The following TMEM182 variants were observed in gnomAD, a reference collection of about 807,000 sequenced individuals.
TMEM182 encodes transmembrane protein 182.
Under a neutral mutation model 26.8 loss-of-function variants are expected in TMEM182, and 20 were observed. The observed-to-expected ratio is 0.75, with a 90% CI of 0.53 to 1.09. TMEM182 has a LOEUF of 1.09. Among genes scored for constraint, TMEM182 ranks in the 50% least tolerant of loss-of-function variants. TMEM182 has a pLI of 0.00. For missense variants in TMEM182, 277 were observed against 275.5 expected (o/e 1.01, Z -0.04); for synonymous variants, 109 against 102.2 (o/e 1.07, Z -0.40).
chr2:102,768,806 T>C (rs1250253676), intron 3 of TMEM182, among the ~76,000 whole-genome samples: 8 of 152,056 alleles, frequency 5.3e-5, no homozygotes, highest in Non-Finnish European at 1.2e-4. Context: ...ATTTATCTAG[T>C]ACTATTTTCT....
intron 3 of TMEM182, among the ~76,000 whole-genome samples, chr2:102,782,925 C>A (rs899875659): frequency 2.6e-5 from 4 of 152,116 alleles, no homozygotes; most frequent in African/African-American, 9.7e-5. Context: ...TTTTTATCAG[C>A]TGCTTTTTCT....
At chr2:102,822,053 G>C (rs1315795702), downstream of TMEM182, among the ~76,000 whole-genome samples, 3 of 151,432 alleles carry the variant, frequency 2.0e-5, no homozygotes, top group East Asian at 5.8e-4. Flanking sequence ...CTATTACCCT[G>C]ATATGATAAT....
intron 1 of TMEM182, 36 bp from the exon 2 acceptor site, chr2:102,762,551 T>C: frequency 6.3e-7 from 1 of 1,586,950 alleles, no homozygotes; most frequent in Non-Finnish European, 8.6e-7. Flanking sequence ...ATATTTCTTG[T>C]ATTGATGGCA....
chr2:102,831,457 A>C (rs555069366), intron 3 of TMEM182, among the ~76,000 whole-genome samples: 2 of 152,206 alleles, frequency 1.3e-5, no homozygotes, highest in Non-Finnish European at 1.5e-5. Context: ...CAGTCATCTT[A>C]AAAGAAGAAG....
At chr2:102,775,743 C>A (rs1037002973) in intron 3 of TMEM182, among the ~76,000 whole-genome samples, 1 of 152,058 alleles carries the variant, frequency 6.6e-6, no homozygotes, top group Non-Finnish European at 1.5e-5. Flanking sequence ...TATACACCAA[C>A]AACAGACAAA....
intron 4 of TMEM182, among the ~76,000 whole-genome samples, chr2:102,805,492 G>A (rs184532334): frequency 3.3e-5 from 5 of 151,988 alleles, no homozygotes; most frequent in South Asian, 2.1e-4. Context: ...TCTGGTTCAC[G>A]GTCTAACACC....
intron 3 of TMEM182, among the ~76,000 whole-genome samples, chr2:102,769,530 A>AT (rs1680592172): frequency 6.6e-6 from 1 of 152,176 alleles, no homozygotes; most frequent in Non-Finnish European, 1.5e-5. Flanking sequence ...TTTAATCATC[A>AT]TAACTATACA....
intron 3 of TMEM182, chr2:102,775,399 A>G (rs1357355935): frequency 6.6e-6 from 1 of 152,218 alleles, no homozygotes; most frequent in East Asian, 1.9e-4. Flanking sequence ...CAAAATAATA[A>G]GAGCTATCTA....
intron 4 of TMEM182, among the ~76,000 whole-genome samples, chr2:102,808,591 T>C (rs1036184857): frequency 2.0e-5 from 3 of 152,196 alleles, no homozygotes; most frequent in Non-Finnish European, 4.4e-5. Flanking sequence ...GAAAATGTTA[T>C]CCATTATTTC....
At chr2:102,839,830 C>G (rs1683314319) in intron 3 of TMEM182, among the ~76,000 whole-genome samples, 1 of 152,108 alleles carries the variant, frequency 6.6e-6, no homozygotes, top group African/African-American at 2.4e-5. Context: ...AGTCAGAAGC[C>G]CAGCAATTCT....
chr2:102,769,316 G>T (rs1044143440), intron 3 of TMEM182, among the ~76,000 whole-genome samples: 1 of 152,164 alleles, frequency 6.6e-6, no homozygotes, highest in Non-Finnish European at 1.5e-5. Context: ...GAATATAATT[G>T]ATATGTGAGG....
chr2:102,806,198 A>T (rs569543623), intron 4 of TMEM182, among the ~76,000 whole-genome samples: 1 of 151,764 alleles, frequency 6.6e-6, no homozygotes, highest in African/African-American at 2.4e-5. Flanking sequence ...TTTCTGAGCC[A>T]TTTGTTTTCT....
intron 3 of TMEM182, among the ~76,000 whole-genome samples, chr2:102,828,493 C>CA (rs1387447555): frequency 1.3e-5 from 2 of 151,970 alleles, no homozygotes; most frequent in Non-Finnish European, 2.9e-5. Context: ...GATATCTTTG[C>CA]AAAAAAAGTC....
At chr2:102,827,286 G>T (rs1274303823) in intron 3 of TMEM182, among the ~76,000 whole-genome samples, 3 of 152,220 alleles carry the variant, frequency 2.0e-5, no homozygotes, top group African/African-American at 7.2e-5. Flanking sequence ...CTCTTTGGAA[G>T]TGTCTTGCTC....
downstream of TMEM182, among the ~76,000 whole-genome samples, chr2:102,822,089 C>A (rs1682931234): frequency 6.6e-6 from 1 of 151,796 alleles, no homozygotes; most frequent in Non-Finnish European, 1.5e-5. Context: ...GGCATCAAAA[C>A]ATCAAGTATA....
chr2:102,827,324 G>A (rs757163205), intron 3 of TMEM182, among the ~76,000 whole-genome samples: 2 of 152,186 alleles, frequency 1.3e-5, no homozygotes, highest in African/African-American at 2.4e-5. Flanking sequence ...CAGTTGGATT[G>A]TCAGTCTGAT....
chr2:102,827,200 A>G (rs1344408479), intron 3 of TMEM182, among the ~76,000 whole-genome samples: 2 of 152,134 alleles, frequency 1.3e-5, no homozygotes, highest in African/African-American at 2.4e-5. Context: ...ACAGAAATCA[A>G]CTCAGGTCTT....
At chr2:102,776,900 T>G (rs1362815712) in intron 3 of TMEM182, among the ~76,000 whole-genome samples, 1 of 152,208 alleles carries the variant, frequency 6.6e-6, no homozygotes, top group African/African-American at 2.4e-5. Context: ...TAATGACATA[T>G]GATGTTGAAC....
chr2:102,775,902 T>C (rs1463340377), intron 3 of TMEM182, among the ~76,000 whole-genome samples: 1 of 152,304 alleles, frequency 6.6e-6, no homozygotes, highest in East Asian at 1.9e-4. Context: ...ACAAATACTA[T>C]GTGTTTTGTT....
Sources: gnomAD v4.1 joint callset for allele counts (sites outside exome capture counted in the v4.1 genomes callset) on GRCh38, gnomAD v4.1.1 for gene constraint, MANE v1.5 for transcripts, NCBI Gene and HGNC (gene_info 2026-07-23, HGNC 2026-07-21) for gene names.